The following TENM2 variants were observed in gnomAD, a reference collection of about 807,000 sequenced individuals.
TENM2 encodes the protein teneurin-2.
In TENM2, 52 loss-of-function variants were observed where a neutral mutation model predicts 245.2. The observed-to-expected ratio is 0.21, with a 90% CI of 0.17 to 0.27. The LOEUF is 0.27. Ranked by LOEUF, TENM2 falls within the 10% of genes least tolerant of loss-of-function variation. TENM2 has a pLI of 1.00. For missense variants in TENM2, 3,046 were observed against 3,666.8 expected (o/e 0.83, Z 4.37); for synonymous variants, 1,363 against 1,438.9 (o/e 0.95, Z 1.19).
intron 14 of TENM2, among the ~76,000 whole-genome samples, chr5:168,193,087 T>G (rs1761095438): frequency 6.6e-6 from 1 of 152,188 alleles, no homozygotes; most frequent in African/African-American, 2.4e-5. Flanking sequence ...CCAGGAGACC[T>G]GAAAGAAAGT....
chr5:167,431,961 G>GTATATGTATATA, intron 2 of TENM2, among the ~76,000 whole-genome samples: 1 of 43,584 alleles, frequency 2.3e-5, no homozygotes, highest in Non-Finnish European at 6.8e-5. Context: ...ATATATATAT[G>GTATATGTATATA]TATATATATA....
At chr5:167,438,887 G>T (rs562330267) in intron 2 of TENM2, among the ~76,000 whole-genome samples, 31 of 152,174 alleles carry the variant, frequency 2.0e-4, no homozygotes, top group African/African-American at 7.5e-4. Context: ...TCCGCCTCCG[G>T]AGTTCAAGCA....
intron 2 of TENM2, among the ~76,000 whole-genome samples, chr5:167,845,449 T>C (rs1167976947): frequency 6.6e-6 from 1 of 152,186 alleles, no homozygotes; most frequent in African/African-American, 2.4e-5. Flanking sequence ...CTCAGAACAA[T>C]GCATCACTTT....
rs79896282 is a variant in TENM2, at chr5:168,151,603, T to A, written c.2423-11008T>A. On this transcript the variant is annotated intron_variant, in intron 12 of 28. Coordinates refer to ENST00000518659, the Ensembl canonical transcript of TENM2. ...ACTAAGGAATTGAAGAGCTTATGAT[T>A]TTTACCCAAGATCATGCAGCCAAAG... 4.2e-3 allele frequency among the ~76,000 whole-genome samples: 645 copies of A among 152,320 alleles called. 1 individual carries two copies. The highest frequency in any genetic ancestry group is 0.015 in the African/African-American group (618 of 41,562).
chr5:168,096,936 C>A (rs1793419825), intron 8 of TENM2, among the ~76,000 whole-genome samples: 1 of 152,146 alleles, frequency 6.6e-6, no homozygotes, highest in Non-Finnish European at 1.5e-5. Flanking sequence ...GTTCCAAAAT[C>A]ATTCCTTTGA....
chr5:168,021,275 A>G (rs566467333), intron 5 of TENM2, among the ~76,000 whole-genome samples: 2 of 152,378 alleles, frequency 1.3e-5, no homozygotes, highest in African/African-American at 4.8e-5. Context: ...TCAGGGCTAC[A>G]GAATGACTTT....
chr5:167,385,856 ATGTGTGTGTGTGTGTGTGTGTGTG>A (rs60407919), intron 2 of TENM2, among the ~76,000 whole-genome samples: 3 of 139,060 alleles, frequency 2.2e-5, no homozygotes, highest in Non-Finnish European at 3.1e-5. Flanking sequence ...TTATATATAT[ATGTGTGTGTGTGTGTGTGTGTGTG>A]TGTGTGTGTG....
intron 1 of TENM2, among the ~76,000 whole-genome samples, chr5:167,347,933 C>T (rs1275481933): frequency 6.6e-6 from 1 of 152,112 alleles, no homozygotes; most frequent in Non-Finnish European, 1.5e-5. Context: ...GAGCATTACC[C>T]AAAAGAATCT....
intron 2 of TENM2, among the ~76,000 whole-genome samples, chr5:167,510,048 C>T (rs1164057923): frequency 6.6e-6 from 1 of 152,200 alleles, no homozygotes; most frequent in Non-Finnish European, 1.5e-5. Context: ...AAAAGCAAAT[C>T]TCCATCCGTC....
rs114056927 is a variant in TENM2, at chr5:167,683,958, C to A, written c.503-192028C>A. Among the ~76,000 whole-genome samples the A allele has an allele frequency of 3.3e-3, 501 of 152,280 alleles. 2 individuals carry two copies. The Middle Eastern group carries it at 0.037, about 11-fold the overall frequency. On this transcript the variant is annotated intron_variant, in intron 2 of 28. Transcript: ENST00000518659. Reference sequence around the variant, plus strand: ...GGGTGGCCATTTTGCTTGCCTATGGCTCCCCAAGCTTTCAAAAAGAAGACA... The same window carrying A: ...GGGTGGCCATTTTGCTTGCCTATGGATCCCCAAGCTTTCAAAAAGAAGACA...
intron 2 of TENM2, among the ~76,000 whole-genome samples, chr5:167,651,198 G>T (rs765925769): frequency 6.6e-6 from 1 of 151,608 alleles, no homozygotes; most frequent in Non-Finnish European, 1.5e-5. Context: ...ATTTGAATTT[G>T]CCATTCATGT....
chr5:167,630,638 G>C (rs1778806377), intron 2 of TENM2, among the ~76,000 whole-genome samples: 1 of 152,000 alleles, frequency 6.6e-6, no homozygotes, highest in African/African-American at 2.4e-5. Flanking sequence ...TATGACTGTT[G>C]ATCTCAAAAA....
intron 2 of TENM2, among the ~76,000 whole-genome samples, chr5:167,680,311 TA>T (rs11479530): frequency 0.84 from 124,818 of 148,018 alleles, 52,902 homozygotes; most frequent in African/African-American, 0.89. Context: ...TAGAATAAGT[TA>T]AAAAAAAAAA....
chr5:168,197,908 G>A (rs959130296), intron 15 of TENM2, among the ~76,000 whole-genome samples: 3 of 152,168 alleles, frequency 2.0e-5, no homozygotes, highest in Admixed American at 6.5e-5. Flanking sequence ...CAGCCACAGA[G>A]CAGAGGCTGA....
chr5:168,047,620 G>A, intron 6 of TENM2, 71 bp downstream of exon 8: 1 of 1,506,176 alleles, frequency 6.6e-7, no homozygotes. Context: ...GCTGGTTCAG[G>A]TTTTCTAATC....
At chr5:167,744,429 A>T (rs996068924) in intron 2 of TENM2, among the ~76,000 whole-genome samples, 1 of 152,146 alleles carries the variant, frequency 6.6e-6, no homozygotes, top group African/African-American at 2.4e-5. Flanking sequence ...GCCATGACTG[A>T]GTTATGGGAC....
At chr5:168,262,718 T>C (rs765928721) in exon 29 of TENM2, 2 of 1,611,364 alleles carry the variant, frequency 1.2e-6, no homozygotes, top group South Asian at 2.2e-5. Context: ...GTACGAGGGA[T>C]ATTACGTGCT....
At position 167,479,209 on chromosome 5, in the gene TENM2, A is replaced by G. The variant is rs534813600; in HGVS notation, c.502+103736A>G. Among the ~76,000 whole-genome samples, 5 of 152,326 alleles carry G rather than the reference A, an allele frequency of 3.3e-5. No individual in the cohort carries two copies. In the East Asian group the frequency reaches 9.6e-4, roughly 29 times the overall value. ...CTCTGAGTTATCATGGTTTTTTTGTAAAGACCAGAATACTTGGAAATATAA... is the reference window on the plus strand; with the variant it reads ...CTCTGAGTTATCATGGTTTTTTTGTGAAGACCAGAATACTTGGAAATATAA... On this transcript the variant is annotated intron_variant, in intron 2 of 28. Coordinates refer to ENST00000518659, the Ensembl canonical transcript of TENM2.
chr5:167,119,186 A>G, the TENM2 span, among the ~76,000 whole-genome samples: 2,666 of 152,324 alleles, frequency 0.018, 36 homozygotes, highest in Non-Finnish European at 0.028. Flanking sequence ...TAATATTACT[A>G]AAGTATGTAA....
Sources: gnomAD v4.1 joint callset for allele counts (sites outside exome capture counted in the v4.1 genomes callset) on GRCh38, gnomAD v4.1.1 for gene constraint, MANE v1.5 for transcripts, NCBI Gene and HGNC (gene_info 2026-07-23, HGNC 2026-07-21) for gene names.